Variants in SLTM observed in about 807,000 individuals in gnomAD.
SLTM encodes the protein SAFB-like transcription modulator.
Under a neutral mutation model 134.6 loss-of-function variants are expected in SLTM, and 43 were observed. The observed-to-expected ratio is 0.32, with a 90% confidence interval of 0.25 to 0.41. The LOEUF (loss-of-function observed/expected upper bound fraction) is 0.41, where lower values mean the gene tolerates loss of function less well. Ranked by LOEUF, SLTM falls within the 10% of genes least tolerant of loss-of-function variation. The pLI is 1.00. For synonymous variants in SLTM, 424 were observed against 432.3 expected (o/e 0.98, Z 0.24); for missense variants, 1,055 against 1,288.8 (o/e 0.82, Z 2.78).
At chr15:58,924,164 C>G (rs2037301386) in intron 2 of SLTM, among the ~76,000 whole-genome samples, 1 of 152,028 alleles carries the variant, frequency 6.6e-6, no homozygotes, top group Admixed American at 6.6e-5. Flanking sequence ...ATAAATTGGG[C>G]AGTAAACATA....
At chr15:58,911,598 A>T (rs1019235754) in intron 5 of SLTM, among the ~76,000 whole-genome samples, 1 of 151,928 alleles carries the variant, frequency 6.6e-6, no homozygotes, top group Non-Finnish European at 1.5e-5. Context: ...GATTAAAAAT[A>T]AAAATAAAAA....
intron 10 of SLTM, 68 bp downstream of exon 10, chr15:58,894,365 T>TA (rs2034906015): frequency 5.7e-6 from 9 of 1,567,316 alleles, no homozygotes. Flanking sequence ...CTGCTACTGT[T>TA]AACAGCTATG....
At position 58,887,036 on chromosome 15, in the gene SLTM, G is replaced by A. The variant is rs1261249853; in HGVS notation, c.2774C>T (p.Ser925Leu). 8 of 1,613,370 alleles carry A rather than the reference G, an allele frequency of 5.0e-6. No individual in the cohort carries two copies. The African/African-American group carries it at 6.7e-5, about 13-fold the overall frequency. ...GTCTCCCTCTCTGCTCCCGTACCCC[G>A]AAGCGCTGCTACGATTCCCAGGGGG... ...GAPPGNRSSA[S>L]GYGSREGDRG... Residue 925 changes from serine (S) to leucine (L), a missense_variant, in exon 19 of 21, where the codon TCG becomes TTG. Around this residue, in one of 3 missense-constraint regions of SLTM, gnomAD observed 776 missense variants for 962.2 expected, o/e 0.81. Transcript: ENST00000380516.
At chr15:58,895,806 AC>A (rs1567119248) in intron 9 of SLTM, among the ~76,000 whole-genome samples, 1 of 152,192 alleles carries the variant, frequency 6.6e-6, no homozygotes, top group Non-Finnish European at 1.5e-5. Flanking sequence ...TATTTCTGAC[AC>A]CTACAAGAAC....
intron 2 of SLTM, among the ~76,000 whole-genome samples, chr15:58,920,107 G>A (rs145723654): frequency 9.3e-4 from 141 of 152,144 alleles, no homozygotes; most frequent in Non-Finnish European, 1.5e-3. Context: ...CTTGAAGCCC[G>A]GAGTTTGAGA....
At position 58,886,976 on chromosome 15, in the gene SLTM, T is replaced by C. The variant is rs766112861; in HGVS notation, c.2834A>G (p.Gln945Arg). Reference protein sequence around the residue: ...GVITDRGGGSQHYPEERHVVE... With the variant: ...GVITDRGGGSRHYPEERHVVE... ...CGGCAAGCCTCCCGCAGCACTTACCTGTGATCCACCTCCTCGGTCTGTGAT... is the reference window on the plus strand; with the variant it reads ...CGGCAAGCCTCCCGCAGCACTTACCCGTGATCCACCTCCTCGGTCTGTGAT... Residue 945 changes from glutamine to arginine, a missense_variant and splice_region_variant, in exon 19 of 21, where the codon CAG becomes CGG. Physicochemically the swap from Gln to Arg is conservative, Grantham distance 43. Around this residue, in one of 3 missense-constraint regions of SLTM, gnomAD observed 776 missense variants for 962.2 expected, o/e 0.81. Transcript: ENST00000380516. 2 of 1,612,314 alleles carry C rather than the reference T, an allele frequency of 1.2e-6. No individual in the cohort carries two copies. The highest frequency in any genetic ancestry group is 1.1e-5 in the South Asian group (1 of 91,000).
At chr15:58,916,110 C>T (rs1184915316) in intron 3 of SLTM, among the ~76,000 whole-genome samples, 1 of 152,002 alleles carries the variant, frequency 6.6e-6, no homozygotes, top group Non-Finnish European at 1.5e-5. Flanking sequence ...CATTTTCGGC[C>T]CCAAAAGGCC....
chr15:58,890,795 C>T (rs566777139), intron 14 of SLTM, among the ~76,000 whole-genome samples: 1 of 152,268 alleles, frequency 6.6e-6, no homozygotes, highest in South Asian at 2.1e-4. Flanking sequence ...TGTAAATTTA[C>T]AAAACTACAA....
intron 20 of SLTM, among the ~76,000 whole-genome samples, chr15:58,882,354 T>C (rs949332372): frequency 1.3e-5 from 2 of 152,050 alleles, no homozygotes; most frequent in Non-Finnish European, 2.9e-5. Context: ...TGAGTTTGAC[T>C]GTGACCTTGA....
chr15:58,883,891 A>G (rs1481041209), intron 19 of SLTM, 105 bp from the exon 20 acceptor site: 8 of 1,256,298 alleles, frequency 6.4e-6, no homozygotes, highest in Non-Finnish European at 7.8e-6. Context: ...TGAGGTCAGG[A>G]GTTCGAGACC....
rs2034310278 is a variant in SLTM at position 58,887,425 on chromosome 15, G to A, written c.2491C>T (p.Pro831Ser). 1 of 1,613,970 alleles carries A rather than the reference G, an allele frequency of 6.2e-7. No homozygotes were observed. Among genetic ancestry groups the A allele is most frequent in the Non-Finnish European group, 8.5e-7 (1 of 1,180,006 alleles). ...KNFSDSRRNE[P>S]PPPRNELRES... Reference sequence around the variant, plus strand: ...CTAAGTTCATTTCTTGGTGGTGGAGGCTCATTTCTTCTGGAGTCACTGAAA... The same window carrying A: ...CTAAGTTCATTTCTTGGTGGTGGAGACTCATTTCTTCTGGAGTCACTGAAA... Residue 831 changes from proline (P) to serine (S), a missense_variant, in exon 18 of 21, where the codon CCT becomes TCT. Pro to Ser is a moderately conservative substitution (Grantham distance 74). Around this residue, in one of 3 missense-constraint regions of SLTM, gnomAD observed 776 missense variants for 962.2 expected, o/e 0.81. Coordinates refer to ENST00000380516, the MANE Select transcript of SLTM (RefSeq NM_024755.4).
chr15:58,923,799 C>CTTTTTT (rs34100406), intron 2 of SLTM, among the ~76,000 whole-genome samples: 5 of 69,544 alleles, frequency 7.2e-5, no homozygotes, highest in East Asian at 5.1e-4. Flanking sequence ...GAAGCCAAAC[C>CTTTTTT]TTTTTTTTTT....
intron 13 of SLTM, 62 bp downstream of exon 13, chr15:58,893,217 C>G: frequency 6.7e-7 from 1 of 1,484,472 alleles, no homozygotes; most frequent in Non-Finnish European, 9.2e-7. Flanking sequence ...TATGGAAAAA[C>G]AGAATTATCT....
chr15:58,883,272 G>A (rs1049470593), intron 20 of SLTM, among the ~76,000 whole-genome samples: 8 of 152,150 alleles, frequency 5.3e-5, no homozygotes, highest in African/African-American at 1.2e-4. Flanking sequence ...CCAAGACCTC[G>A]CCACTGCAGT....
intron 20 of SLTM, among the ~76,000 whole-genome samples, chr15:58,880,626 T>C (rs1038800152): frequency 2.7e-4 from 41 of 152,226 alleles, no homozygotes; most frequent in Non-Finnish European, 8.8e-5. Flanking sequence ...GGCACATTCA[T>C]GGCTCACTGC....
chr15:58,930,653 G>A (rs2037809216), intron 2 of SLTM, among the ~76,000 whole-genome samples: 3 of 151,264 alleles, frequency 2.0e-5, no homozygotes, highest in African/African-American at 7.3e-5. Context: ...GTTTGAGGCT[G>A]CAAAGAGCTA....
At chr15:58,922,438 C>A (rs1286904988) in intron 2 of SLTM, among the ~76,000 whole-genome samples, 2 of 128,168 alleles carry the variant, frequency 1.6e-5, no homozygotes, top group African/African-American at 5.8e-5. Context: ...CCTAGTACAA[C>A]ACTATATATA....
intron 14 of SLTM, among the ~76,000 whole-genome samples, 173 bp from the exon 15 acceptor site, chr15:58,890,634 AT>A (rs1408021672): frequency 2.0e-5 from 3 of 152,206 alleles, no homozygotes; most frequent in African/African-American, 7.2e-5. Flanking sequence ...ACAGATCCCA[AT>A]ATTTTCACTT....
rs751880689 is a variant in SLTM, at chr15:58,933,308, C to G, written c.162+96G>C. 19 of 1,376,138 alleles carry G rather than the reference C, an allele frequency of 1.4e-5. No homozygotes were observed. The South Asian group carries it at 1.5e-4, about 11-fold the overall frequency. 85.2% of individuals were successfully genotyped at this position (1,376,138 alleles called of 1,614,324 possible). ...TACCATGCCGTTCCGCAGGTCCCAGCGGCTGCGGGCAGCCGGAGGCTGCGG... is the reference window on the plus strand; with the variant it reads ...TACCATGCCGTTCCGCAGGTCCCAGGGGCTGCGGGCAGCCGGAGGCTGCGG... On this transcript the variant is annotated intron_variant, in intron 1 of 20. Coordinates refer to ENST00000380516, the MANE Select transcript of SLTM (RefSeq NM_024755.4).
Sources: allele counts gnomAD v4.1 joint callset (sites outside exome capture counted in the v4.1 genomes callset), GRCh38; gene constraint gnomAD v4.1.1; regional missense constraint gnomAD v4.1.1; transcripts MANE v1.5; gene names NCBI Gene and HGNC (gene_info 2026-07-23, HGNC 2026-07-21).